HSD17B12: variants seen among roughly 807,000 people sequenced by gnomAD.
HSD17B12 encodes the protein hydroxysteroid 17-beta dehydrogenase 12.
HSD17B12 carries 32 observed loss-of-function variants against 39.3 expected under a neutral mutation model. That is an observed-to-expected ratio of 0.81 (90% confidence interval 0.61 to 1.09). The LOEUF (loss-of-function observed/expected upper bound fraction) is 1.09. Among genes scored for constraint, HSD17B12 ranks in the 50% least tolerant of loss-of-function variants. The probability of loss-of-function intolerance (pLI) is 0.00; values close to 1 mark genes in which losing one functional copy is unlikely to be tolerated. For synonymous variants in HSD17B12, 150 were observed against 146.7 expected, an observed-to-expected ratio of 1.02 and a Z score of -0.16; for missense variants, 342 against 382.9, an observed-to-expected ratio of 0.89 and a Z score of 0.89.
At chr11:43,724,694 C>T (rs935906748) in intron 1 of HSD17B12, among the ~76,000 whole-genome samples, 6 of 152,264 alleles carry the variant, frequency 3.9e-5, no homozygotes, top group South Asian at 4.1e-4. Flanking sequence ...GCTCTGTCCT[C>T]GTGATCCAAC....
chr11:43,712,653 T>A (rs116793257), intron 1 of HSD17B12, among the ~76,000 whole-genome samples: 5 of 152,058 alleles, frequency 3.3e-5, no homozygotes, highest in African/African-American at 1.2e-4. Flanking sequence ...TTCCCTAAGA[T>A]GTATAAAAGC....
chr11:43,725,477 A>G (rs1950212763), intron 1 of HSD17B12, among the ~76,000 whole-genome samples: 1 of 152,244 alleles, frequency 6.6e-6, no homozygotes, highest in Non-Finnish European at 1.5e-5. Context: ...GAATGTCTTC[A>G]GCTGTAAGTA....
intron 1 of HSD17B12, among the ~76,000 whole-genome samples, chr11:43,706,270 A>G (rs1180216658): frequency 6.6e-6 from 1 of 152,194 alleles, no homozygotes; most frequent in Non-Finnish European, 1.5e-5. Context: ...TCAGGCTGGC[A>G]TGATGGCTCA....
chr11:43,853,538 G>C (rs964123511), intron 9 of HSD17B12: 1 of 152,206 alleles, frequency 6.6e-6, no homozygotes, highest in Non-Finnish European at 1.5e-5. Context: ...CTGTCATCCC[G>C]ACACTTGGGG....
intron 9 of HSD17B12, chr11:43,853,586 G>C (rs1951554176): frequency 6.6e-6 from 1 of 152,260 alleles, no homozygotes; most frequent in African/African-American, 2.4e-5. Context: ...CCAGAAGTTT[G>C]AGACCAGCCT....
chr11:43,604,841 A>G, the HSD17B12 span, among the ~76,000 whole-genome samples: 8 of 152,168 alleles, frequency 5.3e-5, no homozygotes, highest in Non-Finnish European at 1.0e-4. Context: ...GTTACTATAT[A>G]CTCTACAATG....
At chr11:43,631,591 GTC>G in the HSD17B12 span, among the ~76,000 whole-genome samples, 603 of 138,068 alleles carry the variant, frequency 4.4e-3, no homozygotes, top group Non-Finnish European at 6.4e-3. Flanking sequence ...CTCTCTCTCT[GTC>G]TCTCTCTCTC....
At chr11:43,726,744 A>C (rs900408376) in intron 1 of HSD17B12, among the ~76,000 whole-genome samples, 3 of 152,240 alleles carry the variant, frequency 2.0e-5, no homozygotes, top group African/African-American at 7.2e-5. Context: ...TAGAACAAAT[A>C]TTATGATATG....
intron 1 of HSD17B12, chr11:43,734,086 G>T: frequency 4.8e-6 from 5 of 1,047,696 alleles, no homozygotes. Context: ...ACCAGCATCG[G>T]AGAGGACTAT....
At chr11:43,604,706 G>A in the HSD17B12 span, among the ~76,000 whole-genome samples, 1 of 152,110 alleles carries the variant, frequency 6.6e-6, no homozygotes, top group East Asian at 1.9e-4. Context: ...ATGCATACTA[G>A]CTCACACCAC....
intron 7 of HSD17B12, among the ~76,000 whole-genome samples, chr11:43,836,564 C>T (rs1951372838): frequency 6.6e-6 from 1 of 151,998 alleles, no homozygotes; most frequent in East Asian, 1.9e-4. Flanking sequence ...TTAAAGTATA[C>T]ACTTTAATGG....
intron 6 of HSD17B12, 48 bp from the exon 7 acceptor site, chr11:43,830,928 T>C (rs745674088): frequency 2.0e-6 from 3 of 1,524,558 alleles, no homozygotes; most frequent in Admixed American, 1.8e-5. Context: ...TCTTTTTCTG[T>C]TGCCTGCATC....
chr11:43,659,812 G>C, the HSD17B12 span, among the ~76,000 whole-genome samples: 1 of 152,164 alleles, frequency 6.6e-6, no homozygotes, highest in Non-Finnish European at 1.5e-5. Context: ...ATATAAGTGA[G>C]CCAAAGATGG....
chr11:43,560,015 C>A, the HSD17B12 span, among the ~76,000 whole-genome samples: 1 of 152,110 alleles, frequency 6.6e-6, no homozygotes, highest in Non-Finnish European at 1.5e-5. Context: ...TCTCTAGAAT[C>A]GTCATGGTGG....
At chr11:43,604,914 C>T in the HSD17B12 span, among the ~76,000 whole-genome samples, 3 of 152,194 alleles carry the variant, frequency 2.0e-5, no homozygotes, top group Non-Finnish European at 2.9e-5. Flanking sequence ...GTAACCTTAG[C>T]AGGCTGCTAA....
chr11:43,852,349 A>C (rs1186742131), intron 9 of HSD17B12: 1 of 152,236 alleles, frequency 6.6e-6, no homozygotes, highest in Non-Finnish European at 1.5e-5. Flanking sequence ...GGATGGACGA[A>C]AGGAACAAAA....
intron 9 of HSD17B12, among the ~76,000 whole-genome samples, chr11:43,841,982 A>AT (rs996213734): frequency 2.0e-5 from 3 of 152,168 alleles, no homozygotes; most frequent in Non-Finnish European, 2.9e-5. Flanking sequence ...GATTATTATT[A>AT]TTTTTAATTG....
At chr11:43,696,337 A>G (rs924807250) in intron 1 of HSD17B12, among the ~76,000 whole-genome samples, 2 of 152,200 alleles carry the variant, frequency 1.3e-5, no homozygotes, top group African/African-American at 4.8e-5. Context: ...TAAGAAAAAA[A>G]ATCATCAAAA....
At chr11:43,798,830 A>G (rs1330767539) in intron 4 of HSD17B12, among the ~76,000 whole-genome samples, 1 of 152,190 alleles carries the variant, frequency 6.6e-6, no homozygotes, top group Non-Finnish European at 1.5e-5. Context: ...TACCTAAAAC[A>G]ATGCCTACAC....
Sources: gnomAD v4.1 joint callset for allele counts (sites outside exome capture counted in the v4.1 genomes callset) on GRCh38, gnomAD v4.1.1 for gene constraint, MANE v1.5 for transcripts, NCBI Gene and HGNC (gene_info 2026-07-23, HGNC 2026-07-21) for gene names.